TMCC1: variants seen among roughly 807,000 people sequenced by gnomAD.
TMCC1 encodes transmembrane and coiled-coil domain family 1.
Under a neutral mutation model 52.4 loss-of-function variants are expected in TMCC1, and 15 were observed. The observed-to-expected ratio is 0.29, with a 90% CI of 0.19 to 0.44. TMCC1 has a LOEUF of 0.44. Among genes scored for constraint, TMCC1 ranks in the 20% least tolerant of loss-of-function variants. The pLI is 1.00. For synonymous variants in TMCC1, 279 were observed against 301.9 expected, an observed-to-expected ratio of 0.92 and a Z score of 0.79; for missense variants, 503 against 806.0, an observed-to-expected ratio of 0.62 and a Z score of 4.55.
At chr3:129,810,524 G>C (rs550846493) in intron 4 of TMCC1, among the ~76,000 whole-genome samples, 1 of 152,222 alleles carries the variant, frequency 6.6e-6, no homozygotes, top group Non-Finnish European at 1.5e-5. Flanking sequence ...AAAACAGCTT[G>C]CATTTTATCT....
At chr3:129,772,289 C>T (rs573899020) in intron 4 of TMCC1, among the ~76,000 whole-genome samples, 3 of 152,098 alleles carry the variant, frequency 2.0e-5, no homozygotes, top group South Asian at 4.2e-4. Context: ...TGAAGTGAGT[C>T]GAGGTCGTGC....
At chr3:129,778,679 G>GC (rs1553866368) in intron 4 of TMCC1, among the ~76,000 whole-genome samples, 31 of 150,688 alleles carry the variant, frequency 2.1e-4, no homozygotes, top group African/African-American at 7.0e-4. Flanking sequence ...CATGGTGGGG[G>GC]GGGGGCAGTC....
chr3:129,753,635 T>C (rs1028546736), intron 4 of TMCC1, among the ~76,000 whole-genome samples: 1 of 152,204 alleles, frequency 6.6e-6, no homozygotes, highest in Non-Finnish European at 1.5e-5. Context: ...AGAAAGTTTT[T>C]ACTAAAATGA....
chr3:129,800,317 T>C (rs749880820), intron 4 of TMCC1, among the ~76,000 whole-genome samples: 2 of 152,232 alleles, frequency 1.3e-5, no homozygotes, highest in Non-Finnish European at 1.5e-5. Context: ...GGAGCTCATA[T>C]AGCATATTTT....
intron 4 of TMCC1, among the ~76,000 whole-genome samples, chr3:129,704,987 A>G (rs929588849): frequency 6.6e-6 from 1 of 152,266 alleles, no homozygotes; most frequent in African/African-American, 2.4e-5. Flanking sequence ...GGAAGAAGAC[A>G]TAATACCTTC....
At chr3:129,685,133 CT>C (rs2089305391) in intron 4 of TMCC1, among the ~76,000 whole-genome samples, 1 of 152,082 alleles carries the variant, frequency 6.6e-6, no homozygotes, top group South Asian at 2.1e-4. Flanking sequence ...AATCCCAGCA[CT>C]TTGGAAGGCA....
chr3:129,873,357 G>T (rs1427595743), intron 2 of TMCC1, among the ~76,000 whole-genome samples: 8 of 147,704 alleles, frequency 5.4e-5, no homozygotes, highest in African/African-American at 2.0e-4. Context: ...TACATAACAT[G>T]AAACACTATG....
intron 4 of TMCC1, among the ~76,000 whole-genome samples, chr3:129,709,120 A>G (rs2048455097): frequency 6.6e-6 from 1 of 152,170 alleles, no homozygotes; most frequent in Admixed American, 6.6e-5. Context: ...AAGATTAAAT[A>G]ACTAAACTTG....
intron 4 of TMCC1, among the ~76,000 whole-genome samples, chr3:129,802,542 G>A (rs2057253965): frequency 6.6e-6 from 1 of 152,158 alleles, no homozygotes; most frequent in African/African-American, 2.4e-5. Context: ...AGAAATTTGG[G>A]GTTACAGTGA....
chr3:129,729,977 A>C (rs1353081908), intron 4 of TMCC1, among the ~76,000 whole-genome samples: 1 of 152,116 alleles, frequency 6.6e-6, no homozygotes, highest in Non-Finnish European at 1.5e-5. Flanking sequence ...CTTTTAAAAA[A>C]ATTTTTAAAT....
chr3:129,723,373 T>C (rs1353512763), intron 4 of TMCC1, among the ~76,000 whole-genome samples: 12 of 148,026 alleles, frequency 8.1e-5, no homozygotes, highest in South Asian at 4.2e-4. Context: ...TTTTTTTTTT[T>C]TTTTTTGGCC....
chr3:129,883,244 G>A (rs1250990862), intron 1 of TMCC1, among the ~76,000 whole-genome samples: 3 of 151,934 alleles, frequency 2.0e-5, no homozygotes, highest in South Asian at 2.1e-4. Flanking sequence ...CCCGGGAGGC[G>A]GAGGTTGCAG....
chr3:129,758,192 ATAAG>A (rs2053185774), intron 4 of TMCC1, among the ~76,000 whole-genome samples: 1 of 152,218 alleles, frequency 6.6e-6, no homozygotes, highest in Non-Finnish European at 1.5e-5. Context: ...TGGATAAACA[ATAAG>A]TAAATGGATG....
chr3:129,677,334 A>G (rs2088544954), intron 4 of TMCC1, among the ~76,000 whole-genome samples: 1 of 152,230 alleles, frequency 6.6e-6, no homozygotes, highest in Non-Finnish European at 1.5e-5. Context: ...ATTATATACA[A>G]TTAGTCTGAA....
At chr3:129,845,146 C>A (rs1419249907) in intron 2 of TMCC1, among the ~76,000 whole-genome samples, 2 of 151,662 alleles carry the variant, frequency 1.3e-5, no homozygotes, top group Admixed American at 6.6e-5. Flanking sequence ...TGAGATCACA[C>A]CACTGCACTC....
At chr3:129,662,058 T>G (rs2108864277) in intron 5 of TMCC1, among the ~76,000 whole-genome samples, 1 of 152,178 alleles carries the variant, frequency 6.6e-6, no homozygotes, top group South Asian at 2.1e-4. Flanking sequence ...AGATACATGT[T>G]TTATAGACTT....
chr3:129,879,522 A>G (rs1380018086), intron 2 of TMCC1, among the ~76,000 whole-genome samples: 1 of 152,224 alleles, frequency 6.6e-6, no homozygotes, highest in Non-Finnish European at 1.5e-5. Context: ...CAACGCAATA[A>G]CAATCCTTTA....
chr3:129,675,775 C>T (rs543958840), intron 4 of TMCC1, among the ~76,000 whole-genome samples: 208 of 152,170 alleles, frequency 1.4e-3, no homozygotes, highest in Non-Finnish European at 2.6e-3. Flanking sequence ...CAGTGGCTCA[C>T]GCCTGTAATC....
At chr3:129,789,950 C>T (rs866056884) in intron 4 of TMCC1, among the ~76,000 whole-genome samples, 11 of 152,282 alleles carry the variant, frequency 7.2e-5, no homozygotes, top group Middle Eastern at 6.8e-3. Context: ...AAAGATGCCA[C>T]AAACTTATTT....
Sources: gnomAD v4.1 joint callset for allele counts (sites outside exome capture counted in the v4.1 genomes callset) on GRCh38, gnomAD v4.1.1 for gene constraint, MANE v1.5 for transcripts, NCBI Gene and HGNC (gene_info 2026-07-23, HGNC 2026-07-21) for gene names.